Variants in TMEFF2 observed in about 807,000 individuals in gnomAD.
TMEFF2 encodes the protein transmembrane protein with EGF like and two follistatin like domains 2.
TMEFF2 carries 28 observed loss-of-function variants against 53.8 expected under a neutral mutation model. The ratio of observed to expected loss-of-function variants is 0.52; its 90% CI spans 0.39 to 0.71. The LOEUF (loss-of-function observed/expected upper bound fraction) is 0.71, where lower values mean the gene tolerates loss of function less well. Among genes scored for constraint, TMEFF2 ranks in the 30% least tolerant of loss-of-function variants. TMEFF2 has a pLI of 0.00. For synonymous variants in TMEFF2, 162 were observed against 166.3 expected (o/e 0.97, Z 0.20); for missense variants, 353 against 455.2 (o/e 0.78, Z 2.04).
At chr2:192,128,901 C>A (rs1460603518) in intron 4 of TMEFF2, among the ~76,000 whole-genome samples, 11 of 152,064 alleles carry the variant, frequency 7.2e-5, no homozygotes, top group Non-Finnish European at 1.3e-4. Context: ...TGGCTTCCCC[C>A]GGGGAGGTAG....
At chr2:191,996,196 C>G (rs1190410457) in intron 7 of TMEFF2, among the ~76,000 whole-genome samples, 1 of 151,862 alleles carries the variant, frequency 6.6e-6, no homozygotes, top group Non-Finnish European at 1.5e-5. Context: ...AGTAGAATCT[C>G]TCATGATATT....
rs535722727 is a variant in TMEFF2 at position 192,133,127 on chromosome 2, T to C, written c.439+46541A>G. Among the ~76,000 whole-genome samples the C allele has an allele frequency of 1.4e-4, 22 of 152,178 alleles. No homozygotes were observed. The South Asian group carries it at 3.3e-3, about 23-fold the overall frequency. ...CTGGTACCAACTTAGACAATACTCT[T>C]TTAAGCACTCCTTTTTAGTTATCCC... On this transcript the variant is annotated intron_variant, in intron 4 of 9. Coordinates refer to ENST00000272771, the MANE Select transcript of TMEFF2 (RefSeq NM_016192.4).
At chr2:192,148,654 A>G (rs1046381571) in intron 4 of TMEFF2, among the ~76,000 whole-genome samples, 2 of 152,046 alleles carry the variant, frequency 1.3e-5, no homozygotes, top group African/African-American at 4.8e-5. Context: ...TGGCCAAAGG[A>G]CACATTTTAA....
chr2:192,176,437 AG>A (rs1451787013), intron 4 of TMEFF2, among the ~76,000 whole-genome samples: 37 of 151,434 alleles, frequency 2.4e-4, no homozygotes, highest in African/African-American at 8.9e-4. Context: ...AAGAGGATAC[AG>A]TCAGCGAAAT....
chr2:192,184,733 A>T (rs1388892406), intron 2 of TMEFF2, among the ~76,000 whole-genome samples: 6 of 152,124 alleles, frequency 3.9e-5, no homozygotes, highest in Admixed American at 3.9e-4. Flanking sequence ...TTCCCAACAA[A>T]GTGACTGGAC....
intron 7 of TMEFF2, among the ~76,000 whole-genome samples, chr2:191,960,537 A>G (rs1438219559): frequency 6.6e-6 from 1 of 152,194 alleles, no homozygotes; most frequent in Non-Finnish European, 1.5e-5. Context: ...TATAGACCAG[A>G]GAACTAGACC....
intron 2 of TMEFF2, among the ~76,000 whole-genome samples, chr2:192,190,765 C>G (rs1254658633): frequency 6.6e-6 from 1 of 152,088 alleles, no homozygotes; most frequent in Non-Finnish European, 1.5e-5. Context: ...ATTCTCTTCT[C>G]TTTCTTAGTG....
Position 191,949,763 on chromosome 2 carries a change from T to C in TMEFF2, c.*548A>G. The C allele has an allele frequency of 2.0e-6, 2 of 985,304 alleles. No individual in the cohort carries two copies. Among genetic ancestry groups the C allele is most frequent in the Non-Finnish European group, 2.4e-6 (2 of 829,820 alleles). The allele number at this position is 985,304 out of a possible 1,614,324, so 61.0% of individuals were successfully genotyped here. On this transcript the variant is annotated 3_prime_UTR_variant, in exon 10 of 10. Transcript: ENST00000272771. ...GAAAATGGAAGACCAGGGAAGAAAG[T>C]TGATGAAATAGAGATGATTCAAAGA...
intron 5 of TMEFF2, chr2:192,032,746 A>G (rs1487592980): frequency 6.6e-6 from 1 of 152,216 alleles, no homozygotes; most frequent in East Asian, 1.9e-4. Flanking sequence ...GCCATAGGAC[A>G]TAGTGTAAGG....
chr2:192,164,040 C>G (rs573268649), intron 4 of TMEFF2, among the ~76,000 whole-genome samples: 2 of 152,152 alleles, frequency 1.3e-5, no homozygotes, highest in Non-Finnish European at 2.9e-5. Context: ...CTTTTTATTG[C>G]TTTCTTTGCA....
intron 5 of TMEFF2, among the ~76,000 whole-genome samples, chr2:192,012,912 G>A (rs1027702410): frequency 6.6e-6 from 1 of 152,100 alleles, no homozygotes; most frequent in Non-Finnish European, 1.5e-5. Flanking sequence ...GAAAAACCTA[G>A]AGGCTAGTCC....
At chr2:192,064,475 G>A (rs11678800) in intron 4 of TMEFF2, among the ~76,000 whole-genome samples, 14 of 151,658 alleles carry the variant, frequency 9.2e-5, no homozygotes, top group African/African-American at 3.4e-4. Flanking sequence ...CCTGCCAATC[G>A]CTACTAAATG....
chr2:192,049,569 A>G (rs1687713370), intron 5 of TMEFF2, among the ~76,000 whole-genome samples: 1 of 152,180 alleles, frequency 6.6e-6, no homozygotes. Flanking sequence ...TCGCTGACTC[A>G]GAATATGCTA....
At chr2:192,061,365 C>T (rs1039717682) in intron 4 of TMEFF2, among the ~76,000 whole-genome samples, 1 of 151,586 alleles carries the variant, frequency 6.6e-6, no homozygotes, top group Non-Finnish European at 1.5e-5. Flanking sequence ...AAAAAAAGTA[C>T]AAAATAATAA....
intron 4 of TMEFF2, among the ~76,000 whole-genome samples, chr2:192,070,119 T>G (rs1688262128): frequency 6.6e-6 from 1 of 150,942 alleles, no homozygotes; most frequent in African/African-American, 2.4e-5. Flanking sequence ...CATTATTATT[T>G]TTGTTTAATG....
At chr2:192,186,297 C>T (rs1691309147) in intron 2 of TMEFF2, among the ~76,000 whole-genome samples, 1 of 152,144 alleles carries the variant, frequency 6.6e-6, no homozygotes, top group African/African-American at 2.4e-5. Context: ...CAGGCCTGAG[C>T]ATCTCCACTA....
chr2:192,012,928 T>G (rs953441101), intron 5 of TMEFF2, among the ~76,000 whole-genome samples: 8 of 152,158 alleles, frequency 5.3e-5, no homozygotes. Context: ...AGTCCACAAT[T>G]AGGATACTAA....
intron 4 of TMEFF2, among the ~76,000 whole-genome samples, chr2:192,075,081 C>T (rs1221390745): frequency 1.3e-5 from 2 of 151,054 alleles, no homozygotes; most frequent in Non-Finnish European, 3.0e-5. Context: ...ATCTTAATGA[C>T]GAGCATCAAT....
intron 5 of TMEFF2, among the ~76,000 whole-genome samples, chr2:192,014,346 A>G (rs1222355963): frequency 1.3e-5 from 2 of 152,210 alleles, no homozygotes; most frequent in Non-Finnish European, 2.9e-5. Flanking sequence ...CACTATCTAT[A>G]TACATTCTTA....
Sources: allele counts gnomAD v4.1 joint callset (sites outside exome capture counted in the v4.1 genomes callset), GRCh38; gene constraint gnomAD v4.1.1; transcripts MANE v1.5; gene names NCBI Gene and HGNC (gene_info 2026-07-23, HGNC 2026-07-21).